The following NECTIN1 variants were observed in gnomAD, a reference collection of about 807,000 sequenced individuals.
NECTIN1 encodes nectin cell adhesion molecule 1, also known as nectin-1.
A neutral mutation model predicts 48.0 loss-of-function variants in NECTIN1; 23 were observed. That is an observed-to-expected ratio of 0.48 (90% CI 0.34 to 0.68). The LOEUF is 0.68. Among genes scored for constraint, NECTIN1 ranks in the 30% least tolerant of loss-of-function variants. The pLI is 0.01. For synonymous variants in NECTIN1, 270 were observed against 288.9 expected, an observed-to-expected ratio of 0.93 and a Z score of 0.66; for missense variants, 591 against 709.9, an observed-to-expected ratio of 0.83 and a Z score of 1.90.
At chr11:119,652,009 C>T (rs539520336) in intron 5 of NECTIN1, among the ~76,000 whole-genome samples, 1 of 152,156 alleles carries the variant, frequency 6.6e-6, no homozygotes, top group Non-Finnish European at 1.5e-5. Context: ...CAGCCCCCTG[C>T]CTCCTAGTCC....
rs74793082 is a variant in NECTIN1, at chr11:119,685,959, G to C, written c.80-7194C>G. 6.2e-3 allele frequency among the ~76,000 whole-genome samples: 947 copies of C among 152,274 alleles called. 7 individuals carry two copies. Among genetic ancestry groups the C allele is most frequent in the African/African-American group, 0.022 (906 of 41,558 alleles). On this transcript the variant is annotated intron_variant, in intron 1 of 5. Coordinates refer to ENST00000264025, the MANE Select transcript of NECTIN1 (RefSeq NM_002855.5). ...CTGTCCAGCTCACTCTGACCCAGCT[G>C]TGCCTTTGCCTTGGATCAACTTCTG... is the stretch of plus-strand genomic sequence containing the variant.
chr11:119,683,583 T>C lies in NECTIN1; in HGVS notation c.80-4818A>G, dbSNP rs1386481130. Among the ~76,000 whole-genome samples the C allele has an allele frequency of 4.0e-5, 6 of 150,666 alleles. No homozygotes were observed. Among genetic ancestry groups the C allele is most frequent in the Non-Finnish European group, 7.4e-5 (5 of 67,646 alleles). ...GCTTTGGGGATCCCGGGTGTGTGTG[T>C]GTGTGTGTGTGTGTGTGTGTGTGTG... On this transcript the variant is annotated intron_variant, in intron 1 of 5. Transcript: ENST00000264025. This position sits in a 1 kb window ranked among gnomAD's most constrained non-coding sequence, Gnocchi z 4.0.
chr11:119,654,453 C>G (rs1179588337), intron 5 of NECTIN1, among the ~76,000 whole-genome samples: 2 of 152,160 alleles, frequency 1.3e-5, no homozygotes, highest in African/African-American at 4.8e-5. Flanking sequence ...AATTCCTCAC[C>G]CCTCCACCCC....
intron 5 of NECTIN1, among the ~76,000 whole-genome samples, chr11:119,649,199 T>C (rs894787180): frequency 2.0e-5 from 3 of 151,910 alleles, no homozygotes; most frequent in Non-Finnish European, 4.4e-5. Flanking sequence ...GCCAACATGG[T>C]GAAACCCCGT....
intron 5 of NECTIN1, among the ~76,000 whole-genome samples, chr11:119,648,807 G>C (rs1864450219): frequency 6.6e-6 from 1 of 152,034 alleles, no homozygotes; most frequent in Non-Finnish European, 1.5e-5. Flanking sequence ...ACACCCAGGA[G>C]GCTTCCATTT....
At chr11:119,701,638 T>C (rs1272294196) in intron 1 of NECTIN1, among the ~76,000 whole-genome samples, 1 of 152,170 alleles carries the variant, frequency 6.6e-6, no homozygotes, top group Non-Finnish European at 1.5e-5. Context: ...CCCTTCCTCC[T>C]GGCTCTAGGG....
intron 6 of NECTIN1, chr11:119,638,855 T>C: frequency 6.6e-7 from 1 of 1,509,570 alleles, no homozygotes; most frequent in Non-Finnish European, 9.2e-7. Context: ...ACATGGGGGC[T>C]CTCCCCATCA....
Position 119,677,530 on chromosome 11 carries a change from G to A in NECTIN1, c.733+25C>T, listed in dbSNP as rs767331533. The A allele has an allele frequency of 1.9e-6, 3 of 1,611,560 alleles. No homozygotes were observed. The highest frequency in any genetic ancestry group is 2.2e-5 in the South Asian group (2 of 90,978). On this transcript the variant is annotated intron_variant, in intron 3 of 5. Coordinates refer to ENST00000264025, the MANE Select transcript of NECTIN1 (RefSeq NM_002855.5). This position sits in a 1 kb window ranked among gnomAD's most constrained non-coding sequence, Gnocchi z 5.4. ...GGGACAGTGGCGCCCACCCCAGGAG[G>A]CCCCTGGCAGCCAGCCCTGCTCACA...
chr11:119,686,915 G>A (rs1233041552), intron 1 of NECTIN1, among the ~76,000 whole-genome samples: 1 of 152,204 alleles, frequency 6.6e-6, no homozygotes, highest in Non-Finnish European at 1.5e-5. Flanking sequence ...CCTGGCACAT[G>A]GGAAACACAG....
In NECTIN1 at chr11:119,728,648, G is replaced by C. The variant is rs1449105042; in HGVS notation, c.-95C>G. On this transcript the variant is annotated 5_prime_UTR_variant, in exon 1 of 6. Coordinates refer to ENST00000264025, the MANE Select transcript of NECTIN1 (RefSeq NM_002855.5). The stretch of plus-strand genomic sequence containing the variant: ...AGATGAGGGAAGATCGCTGGCGGTC[G>C]GCGGGCGCTCGAAGGATCCAGGTCA... The C allele has an allele frequency of 1.4e-6, 1 of 717,536 alleles. No homozygotes were observed. The highest frequency in any genetic ancestry group is 2.1e-6 in the Non-Finnish European group (1 of 475,586). The allele number at this position is 717,536 out of a possible 1,614,324, so 44.4% of individuals were successfully genotyped here.
chr11:119,662,015 T>A lies in NECTIN1; in HGVS notation c.*2732A>T, dbSNP rs1322309921. ...GGGACTCGGCTGGTTCTATTACACA[T>A]TAGAACAATATCAAAATCTGTAAGG... On this transcript the variant is annotated 3_prime_UTR_variant, in exon 6 of 6. Coordinates refer to ENST00000264025, the MANE Select transcript of NECTIN1 (RefSeq NM_002855.5). The surrounding 1 kb of genome is among the most constrained non-coding windows in gnomAD (Gnocchi z 5.3). 2 of 984,972 alleles carry A rather than the reference T, an allele frequency of 2.0e-6. No homozygotes were observed. The highest frequency in any genetic ancestry group is 1.8e-5 in the African/African-American group (1 of 57,136). 61.0% of individuals were successfully genotyped at this position (984,972 alleles called of 1,614,324 possible). A position where few individuals can be genotyped will look rare whatever the true frequency, so the allele number is the denominator to read the frequency against.
At chr11:119,689,087 C>T (rs1371973110) in intron 1 of NECTIN1, among the ~76,000 whole-genome samples, 1 of 152,148 alleles carries the variant, frequency 6.6e-6, no homozygotes, top group East Asian at 1.9e-4. Context: ...AAACTGCTAT[C>T]ATTTTGGAAG....
intron 1 of NECTIN1, among the ~76,000 whole-genome samples, chr11:119,716,189 T>C (rs899287497): frequency 2.0e-5 from 3 of 152,068 alleles, no homozygotes; most frequent in African/African-American, 4.8e-5. Context: ...GACTAAGACA[T>C]ACTCTGCTTG....
At position 119,727,322 on chromosome 11, in the gene NECTIN1, T is replaced by C. The variant is rs1171163832; in HGVS notation, c.79+1153A>G. On this transcript the variant is annotated intron_variant, in intron 1 of 5. Coordinates refer to ENST00000264025, the MANE Select transcript of NECTIN1 (RefSeq NM_002855.5). The surrounding 1 kb of genome is among the most constrained non-coding windows in gnomAD (Gnocchi z 4.1). ...ATATTCCTGCCCCACGAGGAGATGG[T>C]CTCTGTACACTGACCCCCTATTCTG... 6.6e-6 allele frequency among the ~76,000 whole-genome samples: 1 copy of C among 152,120 alleles called. No homozygotes were observed. Among genetic ancestry groups the C allele is most frequent in the Non-Finnish European group, 1.5e-5 (1 of 68,018 alleles).
rs774525197 is a variant in NECTIN1 at position 119,678,706 on chromosome 11, C to T, written c.139G>A (p.Val47Met). The T allele has an allele frequency of 1.5e-5, 24 of 1,613,710 alleles. No individual in the cohort carries two copies. The highest frequency in any genetic ancestry group is 1.1e-4 in the African/African-American group (8 of 74,876). ...TTGGCAAAGCTGCAGTGCAGAACCA[C>T]GTCTGTGCCGATGAAGCCATACATG... The part of the protein sequence containing the change: ...DSMYGFIGTD[V>M]VLHCSFANPL... The change falls in exon 2 of 6, where the codon GTG becomes ATG. Residue 47 changes from valine (V) to methionine (M), a missense_variant. Val to Met is a conservative substitution (Grantham distance 21). Transcript: ENST00000264025. This position sits in a 1 kb window ranked among gnomAD's most constrained non-coding sequence, Gnocchi z 4.4.
chr11:119,683,233 C>G lies in NECTIN1; in HGVS notation c.80-4468G>C, dbSNP rs1194124301. ...GCAGAGGCTGGCCCAGATGTGGGAA[C>G]TGGGACCACTAAAATGGTAGCATAT... On this transcript the variant is annotated intron_variant, in intron 1 of 5. Coordinates refer to ENST00000264025, the MANE Select transcript of NECTIN1 (RefSeq NM_002855.5). This position sits in a 1 kb window ranked among gnomAD's most constrained non-coding sequence, Gnocchi z 4.0. 6.6e-6 allele frequency among the ~76,000 whole-genome samples: 1 copy of G among 152,204 alleles called. No homozygotes were observed. Among genetic ancestry groups the G allele is most frequent in the African/African-American group, 2.4e-5 (1 of 41,450 alleles).
chr11:119,695,055 G>T (rs973987496), intron 1 of NECTIN1, among the ~76,000 whole-genome samples: 14 of 152,056 alleles, frequency 9.2e-5, no homozygotes, highest in African/African-American at 3.1e-4. Flanking sequence ...CACCTTTACT[G>T]AGCACCCACT....
Position 119,728,812 on chromosome 11 carries a change from C to T in NECTIN1, c.-259G>A, listed in dbSNP as rs1453174025. On this transcript the variant is annotated 5_prime_UTR_variant, in exon 1 of 6. Coordinates refer to ENST00000264025, the MANE Select transcript of NECTIN1 (RefSeq NM_002855.5). ...GAGTCATGCCCCTTCGCCTCCTCCG[C>T]TCTCCTCCCGGCGCCGGTCCCCGCC... is the stretch of plus-strand genomic sequence containing the variant. The T allele has an allele frequency of 5.2e-6, 2 of 381,818 alleles. No individual in the cohort carries two copies. Among genetic ancestry groups the T allele is most frequent in the East Asian group, 7.9e-5 (2 of 25,318 alleles). The allele number at this position is 381,818 out of a possible 1,614,324, so 23.7% of individuals were successfully genotyped here.
At chr11:119,690,236 G>A (rs1247553915) in intron 1 of NECTIN1, among the ~76,000 whole-genome samples, 1 of 152,130 alleles carries the variant, frequency 6.6e-6, no homozygotes, top group Non-Finnish European at 1.5e-5. Flanking sequence ...TGTCTCAGGT[G>A]GCACAACCAT....
Sources: allele counts gnomAD v4.1 joint callset (sites outside exome capture counted in the v4.1 genomes callset), GRCh38; gene constraint gnomAD v4.1.1; non-coding constraint Gnocchi (gnomAD v3.1); transcripts MANE v1.5; gene names NCBI Gene and HGNC (gene_info 2026-07-23, HGNC 2026-07-21).